Variants in GALNTL6 observed in about 807,000 individuals in gnomAD.
The protein encoded by GALNTL6 is polypeptide N-acetylgalactosaminyltransferase like 6.
In GALNTL6, 46 loss-of-function variants were observed where a neutral mutation model predicts 73.7. The observed-to-expected ratio is 0.62, with a 90% confidence interval of 0.49 to 0.80. GALNTL6 has a LOEUF of 0.80. Ranked by LOEUF, GALNTL6 falls within the 30% of genes least tolerant of loss-of-function variation. GALNTL6 has a pLI of 0.00. For synonymous variants in GALNTL6, 259 were observed against 263.7 expected, an observed-to-expected ratio of 0.98 and a Z score of 0.17; for missense variants, 604 against 755.0, an observed-to-expected ratio of 0.80 and a Z score of 2.34.
intron 10 of GALNTL6, among the ~76,000 whole-genome samples, chr4:172,992,002 C>G (rs1287682773): frequency 6.6e-6 from 1 of 152,198 alleles, no homozygotes; most frequent in South Asian, 2.1e-4. Flanking sequence ...TATAAACTTG[C>G]TTAAACTTTT....
intron 3 of GALNTL6, among the ~76,000 whole-genome samples, chr4:172,237,446 G>C (rs1352670664): frequency 6.6e-6 from 1 of 152,016 alleles, no homozygotes; most frequent in Non-Finnish European, 1.5e-5. Flanking sequence ...TTTACTTTTT[G>C]CTTGTTAAAG....
chr4:172,669,736 G>T (rs935795347), intron 5 of GALNTL6, among the ~76,000 whole-genome samples: 1 of 105,848 alleles, frequency 9.4e-6, no homozygotes, highest in African/African-American at 3.4e-5. Flanking sequence ...TGTGCCATGG[G>T]GGGTTGATAT....
intron 10 of GALNTL6, among the ~76,000 whole-genome samples, chr4:172,977,045 C>G (rs1386369084): frequency 1.3e-5 from 2 of 152,208 alleles, no homozygotes; most frequent in Non-Finnish European, 2.9e-5. Flanking sequence ...TGAGAAATTA[C>G]TGTCAAACAG....
chr4:172,034,744 C>G (rs1366657530), intron 2 of GALNTL6, among the ~76,000 whole-genome samples: 1 of 151,988 alleles, frequency 6.6e-6, no homozygotes, highest in Non-Finnish European at 1.5e-5. Context: ...GGGTAGTTGT[C>G]TTACACAATA....
At chr4:172,213,026 T>G (rs1462719405) in intron 2 of GALNTL6, among the ~76,000 whole-genome samples, 2 of 152,198 alleles carry the variant, frequency 1.3e-5, no homozygotes, top group African/African-American at 4.8e-5. Flanking sequence ...TATCACATAG[T>G]TGGAATCATA....
intron 2 of GALNTL6, among the ~76,000 whole-genome samples, chr4:172,087,912 T>C (rs1560917978): frequency 6.6e-6 from 1 of 152,164 alleles, no homozygotes; most frequent in African/African-American, 2.4e-5. Context: ...AGTTAAAACA[T>C]AGTTAAATAA....
At chr4:172,322,846 GA>G (rs544223967) in intron 4 of GALNTL6, among the ~76,000 whole-genome samples, 3 of 149,162 alleles carry the variant, frequency 2.0e-5, no homozygotes, top group Non-Finnish European at 3.0e-5. Context: ...TGGAGAATAA[GA>G]AAAAAAAAGA....
At chr4:172,172,954 G>A (rs998178939) in intron 2 of GALNTL6, among the ~76,000 whole-genome samples, 2 of 152,208 alleles carry the variant, frequency 1.3e-5, no homozygotes, top group African/African-American at 4.8e-5. Context: ...ATGAGGTGAA[G>A]TGTTAACGGG....
At chr4:172,853,676 G>C (rs1430553444) in intron 7 of GALNTL6, among the ~76,000 whole-genome samples, 2 of 152,174 alleles carry the variant, frequency 1.3e-5, no homozygotes, top group Non-Finnish European at 2.9e-5. Context: ...CAGATCAACT[G>C]AATTGTGCTA....
chr4:171,876,680 T>A (rs1051850862), intron 2 of GALNTL6, among the ~76,000 whole-genome samples: 6 of 152,192 alleles, frequency 3.9e-5, no homozygotes, highest in Admixed American at 1.3e-4. Flanking sequence ...GTTAAGATAG[T>A]CATTTTAATG....
intron 5 of GALNTL6, among the ~76,000 whole-genome samples, chr4:172,415,035 T>TA (rs1314765513): frequency 1.3e-5 from 2 of 152,232 alleles, no homozygotes; most frequent in African/African-American, 4.8e-5. Flanking sequence ...TTTCTTGTAA[T>TA]ACTGTGTCAA....
chr4:171,833,053 T>C (rs1201289343), intron 2 of GALNTL6, among the ~76,000 whole-genome samples: 1 of 151,796 alleles, frequency 6.6e-6, no homozygotes, highest in East Asian at 1.9e-4. Flanking sequence ...TTTTGATGAT[T>C]CTACCCTAAG....
intron 3 of GALNTL6, among the ~76,000 whole-genome samples, chr4:172,297,750 T>C (rs1739737893): frequency 6.6e-6 from 1 of 152,214 alleles, no homozygotes; most frequent in Non-Finnish European, 1.5e-5. Flanking sequence ...TTTTGGTTAC[T>C]GTTGCCTTGT....
At chr4:172,445,327 A>G (rs934896904) in intron 5 of GALNTL6, among the ~76,000 whole-genome samples, 2 of 152,216 alleles carry the variant, frequency 1.3e-5, no homozygotes, top group Non-Finnish European at 2.9e-5. Flanking sequence ...TAAAATTGAA[A>G]TAATAGAAGA....
At chr4:171,951,735 C>G (rs1174076310) in intron 2 of GALNTL6, among the ~76,000 whole-genome samples, 2 of 151,914 alleles carry the variant, frequency 1.3e-5, no homozygotes, top group African/African-American at 4.8e-5. Context: ...GAAAAAATTG[C>G]TGGAAAATAT....
At chr4:172,156,010 C>T (rs972381593) in intron 2 of GALNTL6, among the ~76,000 whole-genome samples, 6 of 152,016 alleles carry the variant, frequency 3.9e-5, no homozygotes, top group Non-Finnish European at 7.4e-5. Context: ...TCGGTTGGAA[C>T]CCCGAGAACG....
At chr4:172,002,019 T>G (rs185455363) in intron 2 of GALNTL6, among the ~76,000 whole-genome samples, 5 of 152,232 alleles carry the variant, frequency 3.3e-5, no homozygotes, top group Admixed American at 3.3e-4. Flanking sequence ...AGTCCCTATA[T>G]AAGGCTTATG....
intron 8 of GALNTL6, among the ~76,000 whole-genome samples, chr4:172,898,403 AAAAT>A (rs1039571769): frequency 1.1e-4 from 16 of 151,794 alleles, no homozygotes; most frequent in Non-Finnish European, 1.6e-4. Flanking sequence ...TAACCAAAAG[AAAAT>A]AAAGAGCAAA....
chr4:172,146,492 A>T (rs1733930744), intron 2 of GALNTL6, among the ~76,000 whole-genome samples: 1 of 152,186 alleles, frequency 6.6e-6, no homozygotes, highest in South Asian at 2.1e-4. Context: ...ATGTCTGTGA[A>T]TTTGCATATG....
Sources: allele counts gnomAD v4.1 joint callset (sites outside exome capture counted in the v4.1 genomes callset), GRCh38; gene constraint gnomAD v4.1.1; transcripts MANE v1.5; gene names NCBI Gene and HGNC (gene_info 2026-07-23, HGNC 2026-07-21).